Variants in ASAP2 observed in about 807,000 individuals in gnomAD.
ASAP2 encodes arf-GAP with SH3 domain, ANK repeat and PH domain-containing protein 2.
A neutral mutation model predicts 131.4 loss-of-function variants in ASAP2; 45 were observed. The ratio of observed to expected loss-of-function variants is 0.34; its 90% confidence interval spans 0.27 to 0.44. The LOEUF (loss-of-function observed/expected upper bound fraction) is 0.44, where lower values mean the gene tolerates loss of function less well. Ranked by LOEUF, ASAP2 falls within the 20% of genes least tolerant of loss-of-function variation. ASAP2 has a pLI of 1.00. For synonymous variants in ASAP2, 510 were observed against 503.0 expected, an observed-to-expected ratio of 1.01 and a Z score of -0.19; for missense variants, 1,011 against 1,297.0, an observed-to-expected ratio of 0.78 and a Z score of 3.39.
chr2:9,258,562 C>G (rs185097174), intron 1 of ASAP2, among the ~76,000 whole-genome samples: 1 of 152,080 alleles, frequency 6.6e-6, no homozygotes, highest in African/African-American at 2.4e-5. Context: ...CATGGTGCCC[C>G]CGCCGCCACA....
chr2:9,349,912 G>T (rs553977491), intron 11 of ASAP2, among the ~76,000 whole-genome samples: 1 of 152,232 alleles, frequency 6.6e-6, no homozygotes, highest in African/African-American at 2.4e-5. Flanking sequence ...AGTGACCGGT[G>T]GCCAAGGGAA....
chr2:9,276,969 C>T (rs935213288), intron 1 of ASAP2, among the ~76,000 whole-genome samples: 14 of 152,312 alleles, frequency 9.2e-5, no homozygotes, highest in African/African-American at 3.4e-4. Context: ...GTGTCTTCCA[C>T]TGTCTGTGGG....
chr2:9,283,752 C>CT (rs1192098215), intron 2 of ASAP2, among the ~76,000 whole-genome samples: 1 of 152,196 alleles, frequency 6.6e-6, no homozygotes, highest in Non-Finnish European at 1.5e-5. Context: ...GGTGAGGGCT[C>CT]TCCTCTCCTT....
chr2:9,270,009 A>T (rs1666229133), intron 1 of ASAP2, among the ~76,000 whole-genome samples: 1 of 152,220 alleles, frequency 6.6e-6, no homozygotes, highest in Admixed American at 6.5e-5. Flanking sequence ...TGGGAACTCC[A>T]AACAGATGCT....
rs754562524 is a variant in ASAP2, at chr2:9,334,816, G to C, written c.762+3G>C. ...CGCTGTCTACGGATCTTCACACGGT[G>C]AGTAGCTTCCCTCCCACTGTGGTTT... On this transcript the variant is annotated splice_donor_region_variant and intron_variant, in intron 8 of 27. Transcript: ENST00000281419. 3.1e-6 allele frequency: 5 copies of C among 1,612,660 alleles called. No individual in the cohort carries two copies. The highest frequency in any genetic ancestry group is 1.6e-4 in the Middle Eastern group (1 of 6,080).
In ASAP2 at chr2:9,403,421, A is replaced by G; in HGVS notation, c.*94A>G. Reference sequence around the variant, plus strand: ...ATAACCAGTTTCATGAACTGTTTGTATGGCAGCCCATGTTCTCTAATGCCA... The same window carrying G: ...ATAACCAGTTTCATGAACTGTTTGTGTGGCAGCCCATGTTCTCTAATGCCA... On this transcript the variant is annotated 3_prime_UTR_variant, in exon 28 of 28. Transcript: ENST00000281419. The G allele has an allele frequency of 8.5e-7, 1 of 1,182,930 alleles. No individual in the cohort carries two copies. 73.3% of individuals were successfully genotyped at this position (1,182,930 alleles called of 1,614,324 possible).
At chr2:9,384,294 G>A (rs1675091893) in intron 20 of ASAP2, among the ~76,000 whole-genome samples, 1 of 152,182 alleles carries the variant, frequency 6.6e-6, no homozygotes, top group Admixed American at 6.5e-5. Context: ...CAGGAATAAG[G>A]GAGGACAGCC....
At chr2:9,338,774 G>A (rs1671391289) in intron 9 of ASAP2, among the ~76,000 whole-genome samples, 1 of 152,210 alleles carries the variant, frequency 6.6e-6, no homozygotes. Context: ...GAGAGCACTC[G>A]TGGACATCAG....
intron 2 of ASAP2, among the ~76,000 whole-genome samples, chr2:9,280,850 A>G (rs1405855458): frequency 6.6e-6 from 1 of 152,220 alleles, no homozygotes; most frequent in African/African-American, 2.4e-5. Context: ...CTTTCTGTAC[A>G]TTGTGCTAAT....
rs781108154 is a variant in ASAP2, at chr2:9,376,890, CTTTG to C, written c.1747-13_1747-10del. On this transcript the variant is annotated splice_polypyrimidine_tract_variant and intron_variant, in intron 17 of 27. Coordinates refer to ENST00000281419, the MANE Select transcript of ASAP2 (RefSeq NM_003887.3). ...TGCTCCCATTAGAATTCTGGAATGC[CTTTG>C]TTTGGTTTTTCAGGAGCCGGATGAA... is the stretch of plus-strand genomic sequence containing the variant. 16 of 1,612,514 alleles carry C rather than the reference CTTTG, an allele frequency of 9.9e-6. No individual in the cohort carries two copies. The Admixed American group carries it at 1.0e-4, about 10-fold the overall frequency.
At chr2:9,387,106 C>T (rs1402509721) in intron 21 of ASAP2, among the ~76,000 whole-genome samples, 1 of 149,392 alleles carries the variant, frequency 6.7e-6, no homozygotes, top group Admixed American at 6.7e-5. Context: ...CCCAGCTACT[C>T]AGGAGGCTGA....
chr2:9,338,083 G>A (rs183311693), intron 9 of ASAP2, among the ~76,000 whole-genome samples: 8 of 152,286 alleles, frequency 5.3e-5, no homozygotes, highest in Admixed American at 2.6e-4. Context: ...TCGTCCATCC[G>A]ATGGTGTTCT....
intron 3 of ASAP2, among the ~76,000 whole-genome samples, chr2:9,300,784 T>C (rs1668427745): frequency 6.6e-6 from 1 of 152,248 alleles, no homozygotes; most frequent in South Asian, 2.1e-4. Flanking sequence ...GTTGTTGTCA[T>C]TGTGACATTT....
At chr2:9,238,408 T>A (rs1663704238) in intron 1 of ASAP2, among the ~76,000 whole-genome samples, 1 of 152,244 alleles carries the variant, frequency 6.6e-6, no homozygotes, top group African/African-American at 2.4e-5. Context: ...GTCCACAGCT[T>A]TGCTGAGCTA....
intron 2 of ASAP2, among the ~76,000 whole-genome samples, chr2:9,296,718 G>A (rs1053887050): frequency 6.6e-6 from 1 of 152,186 alleles, no homozygotes; most frequent in Non-Finnish European, 1.5e-5. Context: ...AAATACCCAG[G>A]GTGTAGGGCA....
At chr2:9,331,359 C>T (rs1383834311) in intron 7 of ASAP2, among the ~76,000 whole-genome samples, 1 of 152,194 alleles carries the variant, frequency 6.6e-6, no homozygotes, top group Non-Finnish European at 1.5e-5. Flanking sequence ...TCATCTCTAC[C>T]TCTTTCCTGG....
chr2:9,208,301 C>G, intron 1 of ASAP2, among the ~76,000 whole-genome samples: 1 of 113,026 alleles, frequency 8.8e-6, no homozygotes, highest in Admixed American at 1.4e-4. Flanking sequence ...TTGGGTATTG[C>G]AGGTGTTTTA....
intron 1 of ASAP2, chr2:9,271,373 C>T: frequency 7.3e-7 from 1 of 1,369,684 alleles, no homozygotes; most frequent in Non-Finnish European, 1.0e-6. Flanking sequence ...CACCTGTCAC[C>T]CTGTAGCTGA....
chr2:9,286,447 A>AAAAATATATATATATATATAT (rs58605449), intron 2 of ASAP2, among the ~76,000 whole-genome samples: 18 of 148,416 alleles, frequency 1.2e-4, no homozygotes, highest in African/African-American at 4.6e-4. Flanking sequence ...GAAAAAAAAA[A>AAAAATATATATATATATATAT]ATATATATAT....
Sources: allele counts gnomAD v4.1 joint callset (sites outside exome capture counted in the v4.1 genomes callset), GRCh38; gene constraint gnomAD v4.1.1; transcripts MANE v1.5; gene names NCBI Gene and HGNC (gene_info 2026-07-23, HGNC 2026-07-21).